DNM2: variants seen among roughly 807,000 people sequenced by gnomAD.
The protein encoded by DNM2 is dynamin-2.
In DNM2, 15 loss-of-function variants were observed where a neutral mutation model predicts 99.0. The observed-to-expected ratio is 0.15, with a 90% CI of 0.10 to 0.23. DNM2 has a LOEUF of 0.23. Among genes scored for constraint, DNM2 ranks in the 10% least tolerant of loss-of-function variants. The probability of loss-of-function intolerance (pLI) is 1.00; values close to 1 mark genes in which losing one functional copy is unlikely to be tolerated. For synonymous variants in DNM2, 525 were observed against 481.2 expected (o/e 1.09, Z -1.19); for missense variants, 742 against 1,189.4 (o/e 0.62, Z 5.53).
At chr19:10,756,764 C>T (rs1198562315) in intron 1 of DNM2, among the ~76,000 whole-genome samples, 1 of 151,922 alleles carries the variant, frequency 6.6e-6, no homozygotes, top group East Asian at 2.0e-4. Flanking sequence ...TCTGGCTCTT[C>T]TCTATCCGGC....
chr19:10,822,334 C>T (rs1042258849), intron 16 of DNM2, among the ~76,000 whole-genome samples: 4 of 151,396 alleles, frequency 2.6e-5, no homozygotes, highest in East Asian at 1.9e-4. Flanking sequence ...GGACTACAGG[C>T]GCACACCACC....
In DNM2 at chr19:10,751,825, C is replaced by G. The variant is rs77997860; in HGVS notation, c.162-7913C>G. ...CGACTTAGAACTGTTCGGAATAACA[C>G]TCAAAATTTTAAGGAAATTAAACAC... On this transcript the variant is annotated intron_variant, in intron 1 of 20. Coordinates refer to ENST00000389253, the MANE Select transcript of DNM2 (RefSeq NM_001005361.3). 4.1e-3 allele frequency among the ~76,000 whole-genome samples: 623 copies of G among 152,360 alleles called. 35 individuals are homozygous for G. The East Asian group carries it at 0.11, about 27-fold the overall frequency.
In DNM2 at chr19:10,795,545, G is replaced by T; in HGVS notation, c.1196+106G>T. ...TGAGTCCCTAATCGTTAGGCCTTAA[G>T]AGGGCTCTTGGATGGTTTTCTGTAG... is the stretch of plus-strand genomic sequence containing the variant. On this transcript the variant is annotated intron_variant, in intron 9 of 20. Transcript: ENST00000389253. The surrounding 1 kb of genome is among the most constrained non-coding windows in gnomAD (Gnocchi z 4.2). 1 of 1,329,000 alleles carries T rather than the reference G, an allele frequency of 7.5e-7. No individual in the cohort carries two copies. The highest frequency in any genetic ancestry group is 1.1e-6 in the Non-Finnish European group (1 of 929,976). The allele number at this position is 1,329,000 out of a possible 1,614,324, so 82.3% of individuals were successfully genotyped here.
Position 10,812,237 on chromosome 19 carries a change from C to T in DNM2, c.1558-27C>T, listed in dbSNP as rs750854518. 9.6e-6 allele frequency: 15 copies of T among 1,562,520 alleles called. No homozygotes were observed. In the South Asian group the frequency reaches 1.6e-4, roughly 17 times the overall value. On this transcript the variant is annotated intron_variant, in intron 14 of 20. Transcript: ENST00000389253. This position sits in a 1 kb window ranked among gnomAD's most constrained non-coding sequence, Gnocchi z 4.0. ...ATGGCTGGGGCACGGAGCGAGGTTCCCTGCTAAGCTGCGCGCTTTCCCCCA... is the reference window on the plus strand; with the variant it reads ...ATGGCTGGGGCACGGAGCGAGGTTCTCTGCTAAGCTGCGCGCTTTCCCCCA...
chr19:10,720,454 C>G (rs2068903236), intron 1 of DNM2, among the ~76,000 whole-genome samples: 1 of 152,076 alleles, frequency 6.6e-6, no homozygotes, highest in South Asian at 2.1e-4. Context: ...CTCAAGTGAT[C>G]CTCATGCCTT....
Position 10,817,695 on chromosome 19 carries a change from G to C in DNM2, c.1672-2285G>C, listed in dbSNP as rs549116743. Among the ~76,000 whole-genome samples the C allele has an allele frequency of 9.9e-5, 15 of 150,916 alleles. No individual in the cohort carries two copies. The highest frequency in any genetic ancestry group is 4.6e-4 in the Admixed American group (7 of 15,156). ...GGGTTTTCAGGAAATCCTAAAGAGTGGGGGAGGCGGAGCAGGAGGCAGGGT... is the reference window on the plus strand; with the variant it reads ...GGGTTTTCAGGAAATCCTAAAGAGTCGGGGAGGCGGAGCAGGAGGCAGGGT... On this transcript the variant is annotated intron_variant, in intron 15 of 20. Coordinates refer to ENST00000389253, the MANE Select transcript of DNM2 (RefSeq NM_001005361.3). The surrounding 1 kb of genome is among the most constrained non-coding windows in gnomAD (Gnocchi z 4.6).
chr19:10,824,256 C>T, intron 17 of DNM2: 1 of 330,112 alleles, frequency 3.0e-6, no homozygotes. Context: ...AATCCCAGCA[C>T]TTTGGGAGGC....
Position 10,816,849 on chromosome 19 carries a change from G to A in DNM2, c.1672-3131G>A, listed in dbSNP as rs1275235483. Among the ~76,000 whole-genome samples the A allele has an allele frequency of 3.3e-5, 5 of 152,178 alleles. No individual in the cohort carries two copies. Among genetic ancestry groups the A allele is most frequent in the Admixed American group, 2.6e-4 (4 of 15,282 alleles). On this transcript the variant is annotated intron_variant, in intron 15 of 20. Coordinates refer to ENST00000389253, the MANE Select transcript of DNM2 (RefSeq NM_001005361.3). The surrounding 1 kb of genome is among the most constrained non-coding windows in gnomAD (Gnocchi z 4.6). Reference sequence around the variant, plus strand: ...AGATCTCCTCTTCCTTCACGTGAGGGGCCCTTCGTGTTTTTCTCATCTGAG... The same window carrying A: ...AGATCTCCTCTTCCTTCACGTGAGGAGCCCTTCGTGTTTTTCTCATCTGAG...
Position 10,796,067 on chromosome 19 carries a change from G to C in DNM2, c.1196+628G>C, listed in dbSNP as rs374376619. On this transcript the variant is annotated intron_variant, in intron 9 of 20. Transcript: ENST00000389253. This position sits in a 1 kb window ranked among gnomAD's most constrained non-coding sequence, Gnocchi z 5.6. The stretch of plus-strand genomic sequence containing the variant: ...CGGGTCTGGACGGTTTCAGGACCGG[G>C]CTTTTCACCCCGGACTTGGCATTCG... 102 of 1,613,472 alleles carry C rather than the reference G, an allele frequency of 6.3e-5. No individual in the cohort carries two copies. The highest frequency in any genetic ancestry group is 1.3e-4 in the Admixed American group (8 of 60,006).
In DNM2 at chr19:10,811,004, C is replaced by A. The variant is rs1845924126; in HGVS notation, c.1558-1260C>A. 1 of 152,518 alleles carries A rather than the reference C, an allele frequency of 6.6e-6. No individual in the cohort carries two copies. The highest frequency in any genetic ancestry group is 1.5e-5 in the Non-Finnish European group (1 of 68,276). The allele number at this position is 152,518 out of a possible 1,614,324, so 9.4% of individuals were successfully genotyped here. ...AGCCCCCTCACCCACCACCAGGCAG[C>A]CCGTGAATGGCCAGATGCCAGGGGT... On this transcript the variant is annotated intron_variant, in intron 14 of 20. Transcript: ENST00000389253. The surrounding 1 kb of genome is among the most constrained non-coding windows in gnomAD (Gnocchi z 5.4).
chr19:10,730,730 C>T (rs996774808), intron 1 of DNM2, among the ~76,000 whole-genome samples: 6 of 152,190 alleles, frequency 3.9e-5, no homozygotes, highest in Non-Finnish European at 5.9e-5. Flanking sequence ...GCGTTGGCTT[C>T]GAGGGCTGTA....
chr19:10,757,841 A>C (rs1029514642), intron 1 of DNM2, among the ~76,000 whole-genome samples: 1 of 148,522 alleles, frequency 6.7e-6, no homozygotes, highest in African/African-American at 2.5e-5. Flanking sequence ...GCTACTCAGG[A>C]GGCTGAGGCA....
Position 10,782,959 on chromosome 19 carries a change from G to A in DNM2, c.689-1G>A. On this transcript the variant is annotated splice_acceptor_variant, in intron 5 of 20. Coordinates refer to ENST00000389253, the MANE Select transcript of DNM2 (RefSeq NM_001005361.3). LOFTEE classifies it high-confidence loss of function. ...CCTGACCTGACTGCCTCTCCCCACA[G>A]GCTACATTGGCGTGGTGAACCGCAG... The A allele has an allele frequency of 6.2e-7, 1 of 1,614,054 alleles. No individual in the cohort carries two copies. The highest frequency in any genetic ancestry group is 8.5e-7 in the Non-Finnish European group (1 of 1,180,044).
chr19:10,729,189 A>T lies in DNM2; in HGVS notation c.161+10786A>T, dbSNP rs867938244. On this transcript the variant is annotated intron_variant, in intron 1 of 20. Coordinates refer to ENST00000389253, the MANE Select transcript of DNM2 (RefSeq NM_001005361.3). ...CAAAAAAAAAAAAAAAAAAAAAAAA[A>T]ATATAAAAAATTAGCCAAGCATGGT... 3.5e-3 allele frequency among the ~76,000 whole-genome samples: 513 copies of T among 145,946 alleles called. 7 individuals carry two copies. Among genetic ancestry groups the T allele is most frequent in the African/African-American group, 0.012 (470 of 38,534 alleles).
intron 2 of DNM2, among the ~76,000 whole-genome samples, chr19:10,766,733 A>T (rs536733103): frequency 3.8e-4 from 58 of 152,232 alleles, no homozygotes; most frequent in African/African-American, 1.3e-3. Context: ...AAGTACAACC[A>T]GTGGGCCCAC....
intron 10 of DNM2, 84 bp from the exon 11 acceptor site, chr19:10,798,402 T>A: frequency 7.4e-6 from 7 of 941,576 alleles, no homozygotes; most frequent in East Asian, 2.7e-5. Flanking sequence ...CCCACCCCCC[T>A]CCGCATTTTC....
intron 1 of DNM2, among the ~76,000 whole-genome samples, chr19:10,737,230 A>G (rs1380999228): frequency 6.6e-6 from 1 of 152,046 alleles, no homozygotes; most frequent in Non-Finnish European, 1.5e-5. Context: ...TGATGTTCTC[A>G]TGCAGGTGAG....
chr19:10,816,910 C>CCCCACACTGGAGT lies in DNM2; in HGVS notation c.1672-3068_1672-3056dup, dbSNP rs1289881044. 2.6e-5 allele frequency among the ~76,000 whole-genome samples: 4 copies of CCCCACACTGGAGT among 152,192 alleles called. No individual in the cohort carries two copies. Among genetic ancestry groups the CCCCACACTGGAGT allele is most frequent in the Non-Finnish European group, 5.9e-5 (4 of 68,024 alleles). On this transcript the variant is annotated intron_variant, in intron 15 of 20. Transcript: ENST00000389253. This position sits in a 1 kb window ranked among gnomAD's most constrained non-coding sequence, Gnocchi z 4.6. ...CAGAGCCCCCGACCCTCCCGTGGAGCCCCACACTGGAGTCTGGAGCAGCAG... is the reference window on the plus strand; with the variant it reads ...CAGAGCCCCCGACCCTCCCGTGGAGCCCCACACTGGAGTCCCACACTGGAGTCTGGAGCAGCAG...
intron 15 of DNM2, among the ~76,000 whole-genome samples, chr19:10,819,248 T>C (rs182121344): frequency 1.3e-5 from 2 of 152,134 alleles, no homozygotes; most frequent in Admixed American, 1.3e-4. Flanking sequence ...CCCATCTCTA[T>C]TAAAATAATG....
Sources: gnomAD v4.1 joint callset for allele counts (sites outside exome capture counted in the v4.1 genomes callset) on GRCh38, gnomAD v4.1.1 for gene constraint, Gnocchi (gnomAD v3.1) non-coding constraint, MANE v1.5 for transcripts, NCBI Gene and HGNC (gene_info 2026-07-23, HGNC 2026-07-21) for gene names.